The following AMBRA1 variants were observed in gnomAD, a reference collection of about 807,000 sequenced individuals.
AMBRA1 encodes activating molecule in BECN1-regulated autophagy protein 1.
In AMBRA1, 47 loss-of-function variants were observed where a neutral mutation model predicts 125.4. The ratio of observed to expected loss-of-function variants is 0.37; its 90% CI spans 0.30 to 0.48. AMBRA1 has a LOEUF of 0.48. Among genes scored for constraint, AMBRA1 ranks in the 20% least tolerant of loss-of-function variants. The pLI is 0.99. For synonymous variants in AMBRA1, 626 were observed against 655.5 expected, an observed-to-expected ratio of 0.95 and a Z score of 0.69; for missense variants, 1,331 against 1,693.4, an observed-to-expected ratio of 0.79 and a Z score of 3.76.
chr11:46,508,277 G>A lies in AMBRA1; in HGVS notation c.2253C>T (p.Asn751=), dbSNP rs931443944. 10 of 1,614,094 alleles carry A rather than the reference G, an allele frequency of 6.2e-6. No homozygotes were observed. Among genetic ancestry groups the A allele is most frequent in the African/African-American group, 1.3e-5 (1 of 74,926 alleles). The change falls in exon 9 of 18, where the codon AAC becomes AAT. Residue 751 remains asparagine, a synonymous_variant. Transcript: ENST00000683756. The part of the protein sequence containing the change: ...IRQRSMRYQQ[N]RLRSSTSSSS... ...AGGAGGAGGTGGAAGAACGGAGACGGTTCTGTTGGTAGCGCATGGAGCGCT... is the reference window on the plus strand; with the variant it reads ...AGGAGGAGGTGGAAGAACGGAGACGATTCTGTTGGTAGCGCATGGAGCGCT...
At chr11:46,406,500 G>T (rs980703906) in intron 17 of AMBRA1, among the ~76,000 whole-genome samples, 2 of 149,802 alleles carry the variant, frequency 1.3e-5, no homozygotes, top group African/African-American at 4.9e-5. Flanking sequence ...AACATAGTGA[G>T]ACCCCATCTC....
chr11:46,422,761 C>CT (rs1946911226), intron 14 of AMBRA1, among the ~76,000 whole-genome samples: 1 of 152,002 alleles, frequency 6.6e-6, no homozygotes, highest in South Asian at 2.1e-4. Flanking sequence ...GGATAAGAAG[C>CT]TAAAAGAAAA....
chr11:46,569,074 T>C lies in AMBRA1; in HGVS notation c.-120-20574A>G, dbSNP rs188477621. Among the ~76,000 whole-genome samples, 113 of 151,958 alleles carry C rather than the reference T, an allele frequency of 7.4e-4. 1 individual carries two copies. The highest frequency in any genetic ancestry group is 7.3e-3 in the Admixed American group (111 of 15,270). On this transcript the variant is annotated intron_variant, in intron 1 of 17. Coordinates refer to ENST00000683756, the MANE Select transcript of AMBRA1 (RefSeq NM_001387011.1). ...CACCTGCCTTGGCCTCCCAAAGTGC[T>C]AGGATTATAGTTGTGAGCCACCATG...
chr11:46,527,477 CAAAAAAAAAAAA>C (rs59904013), intron 7 of AMBRA1, among the ~76,000 whole-genome samples: 304 of 25,952 alleles, frequency 0.012, 6 homozygotes, highest in Middle Eastern at 0.094. Flanking sequence ...GAGACTGTCT[CAAAAAAAAAAAA>C]AAAAAAAAAA....
At chr11:46,585,047 C>CCA (rs1213165296) in intron 1 of AMBRA1, among the ~76,000 whole-genome samples, 1 of 151,454 alleles carries the variant, frequency 6.6e-6, no homozygotes, top group Non-Finnish European at 1.5e-5. Flanking sequence ...CCAGCCTGGG[C>CCA]GACTGTGCTC....
intron 7 of AMBRA1, among the ~76,000 whole-genome samples, chr11:46,517,457 T>C (rs1951543324): frequency 6.7e-6 from 1 of 148,294 alleles, no homozygotes; most frequent in Non-Finnish European, 1.5e-5. Context: ...CTAGAAAGCA[T>C]TTTATTAATA....
At chr11:46,584,446 C>G (rs1232198086) in intron 1 of AMBRA1, among the ~76,000 whole-genome samples, 4 of 150,500 alleles carry the variant, frequency 2.7e-5, no homozygotes, top group Admixed American at 6.6e-5. Context: ...GTGGGTGCAG[C>G]ACACCAGCAT....
chr11:46,493,070 C>T (rs1203857011), intron 11 of AMBRA1, among the ~76,000 whole-genome samples: 3 of 152,056 alleles, frequency 2.0e-5, no homozygotes, highest in Non-Finnish European at 4.4e-5. Context: ...AGTAAATAAA[C>T]AATAAAACTG....
At chr11:46,442,795 T>C (rs1948083763) in intron 12 of AMBRA1, among the ~76,000 whole-genome samples, 2 of 152,234 alleles carry the variant, frequency 1.3e-5, no homozygotes, top group African/African-American at 2.4e-5. Flanking sequence ...CAAAGTCTTA[T>C]AATATCACAC....
At chr11:46,551,441 T>A (rs557509197) in intron 1 of AMBRA1, among the ~76,000 whole-genome samples, 1 of 152,064 alleles carries the variant, frequency 6.6e-6, no homozygotes, top group African/African-American at 2.4e-5. Flanking sequence ...GCCTCCAGAG[T>A]AGCTAACTTT....
At chr11:46,461,482 A>G (rs1369649717) in intron 11 of AMBRA1, among the ~76,000 whole-genome samples, 1 of 152,234 alleles carries the variant, frequency 6.6e-6, no homozygotes, top group African/African-American at 2.4e-5. Flanking sequence ...CTGGGAATAC[A>G]AAGGAAAGAA....
intron 1 of AMBRA1, among the ~76,000 whole-genome samples, chr11:46,574,375 G>C (rs942674871): frequency 9.9e-5 from 15 of 151,172 alleles, no homozygotes; most frequent in Non-Finnish European, 4.4e-5. Context: ...GTGTGAGATG[G>C]TATCTCATTG....
At chr11:46,419,449 G>A (rs766490337) in intron 14 of AMBRA1, among the ~76,000 whole-genome samples, 4 of 152,062 alleles carry the variant, frequency 2.6e-5, no homozygotes, top group Admixed American at 6.5e-5. Context: ...AAATAATTTG[G>A]GAGATTAAAA....
At chr11:46,559,236 G>GTTGCACT (rs1366510038) in intron 1 of AMBRA1, among the ~76,000 whole-genome samples, 4 of 151,932 alleles carry the variant, frequency 2.6e-5, no homozygotes, top group Non-Finnish European at 4.4e-5. Context: ...GGAGGCAGAG[G>GTTGCACT]TTGCAGTGAG....
At chr11:46,454,631 G>C (rs1948770312) in intron 11 of AMBRA1, among the ~76,000 whole-genome samples, 1 of 150,268 alleles carries the variant, frequency 6.7e-6, no homozygotes, top group Non-Finnish European at 1.5e-5. Flanking sequence ...GGCGCCTGCA[G>C]TCCCAGCTAC....
intron 11 of AMBRA1, among the ~76,000 whole-genome samples, chr11:46,478,648 C>CTTTTTTT (rs11449187): frequency 4.0e-4 from 33 of 82,150 alleles, no homozygotes; most frequent in Non-Finnish European, 5.2e-4. Context: ...TCTTTTTTCT[C>CTTTTTTT]TTTTTTTTTT....
intron 3 of AMBRA1, among the ~76,000 whole-genome samples, chr11:46,547,583 T>G (rs1451674337): frequency 6.6e-6 from 1 of 152,144 alleles, no homozygotes; most frequent in African/African-American, 2.4e-5. Context: ...GGCAAATGAT[T>G]GTTATTGAGA....
intron 1 of AMBRA1, among the ~76,000 whole-genome samples, chr11:46,587,152 G>A (rs1447825342): frequency 2.0e-5 from 3 of 152,056 alleles, no homozygotes; most frequent in African/African-American, 4.8e-5. Flanking sequence ...GGCCAAGGTG[G>A]GCAGATCACC....
At chr11:46,438,378 T>C (rs1947832464) in intron 12 of AMBRA1, among the ~76,000 whole-genome samples, 1 of 152,200 alleles carries the variant, frequency 6.6e-6, no homozygotes. Context: ...GAAATACTGA[T>C]GCCTGGAGGA....
Sources: allele counts gnomAD v4.1 joint callset (sites outside exome capture counted in the v4.1 genomes callset), GRCh38; gene constraint gnomAD v4.1.1; transcripts MANE v1.5; gene names NCBI Gene and HGNC (gene_info 2026-07-23, HGNC 2026-07-21).